The following GJB7 variants were observed in gnomAD, a reference collection of about 807,000 sequenced individuals.
GJB7 encodes gap junction beta-7 protein.
For synonymous variants in GJB7, 87 were observed against 95.2 expected, an observed-to-expected ratio of 0.91 and a Z score of 0.50; for missense variants, 253 against 256.8, an observed-to-expected ratio of 0.99 and a Z score of 0.10.
chr6:87,295,728 G>A (rs1443898833), intron 2 of GJB7, among the ~76,000 whole-genome samples: 1 of 152,126 alleles, frequency 6.6e-6, no homozygotes, highest in Admixed American at 6.5e-5. Flanking sequence ...CACCATGGCT[G>A]ACCGTCAGCA....
chr6:87,313,925 C>A (rs1040115147), intron 2 of GJB7, among the ~76,000 whole-genome samples: 1 of 152,184 alleles, frequency 6.6e-6, no homozygotes, highest in Non-Finnish European at 1.5e-5. Context: ...CTAATGCATG[C>A]TCAAGTTTGA....
At chr6:87,303,603 T>C (rs1412560266) in intron 2 of GJB7, among the ~76,000 whole-genome samples, 1 of 152,130 alleles carries the variant, frequency 6.6e-6, no homozygotes, top group Non-Finnish European at 1.5e-5. Context: ...ACTGTCAATA[T>C]TACACAGATC....
At chr6:87,310,524 A>G (rs1049472080) in intron 2 of GJB7, among the ~76,000 whole-genome samples, 2 of 152,176 alleles carry the variant, frequency 1.3e-5, no homozygotes, top group Non-Finnish European at 2.9e-5. Context: ...GGGGTGAGGG[A>G]TGAAAGACTA....
intron 1 of GJB7, among the ~76,000 whole-genome samples, chr6:87,323,799 A>G (rs1776738907): frequency 6.6e-6 from 1 of 151,942 alleles, no homozygotes; most frequent in Non-Finnish European, 1.5e-5. Flanking sequence ...CAGTAATGGG[A>G]TGGCTGGGTC....
intron 2 of GJB7, chr6:87,291,816 T>A (rs1776178889): frequency 6.6e-6 from 1 of 151,850 alleles, no homozygotes; most frequent in African/African-American, 2.4e-5. Context: ...ATTTTCCCAT[T>A]AAATAGACAA....
chr6:87,328,900 C>T (rs1001260568), intron 1 of GJB7, among the ~76,000 whole-genome samples: 17 of 152,180 alleles, frequency 1.1e-4, no homozygotes, highest in African/African-American at 4.1e-4. Context: ...TAGCAATCAG[C>T]CAGACTCCGT....
At chr6:87,303,977 T>C (rs1422320726) in intron 2 of GJB7, among the ~76,000 whole-genome samples, 3 of 152,186 alleles carry the variant, frequency 2.0e-5, no homozygotes, top group East Asian at 1.9e-4. Context: ...TTGAAACCCA[T>C]AAGAACAAAG....
chr6:87,318,870 C>A (rs920034119), intron 2 of GJB7, among the ~76,000 whole-genome samples: 11 of 152,120 alleles, frequency 7.2e-5, no homozygotes, highest in Admixed American at 6.5e-4. Flanking sequence ...TAAGTGCCAG[C>A]ATTTATGTTA....
chr6:87,293,092 C>T (rs1439972160), intron 2 of GJB7, among the ~76,000 whole-genome samples: 1 of 152,144 alleles, frequency 6.6e-6, no homozygotes, highest in Non-Finnish European at 1.5e-5. Flanking sequence ...AGTGCAGTGG[C>T]GCGATCTTGG....
intron 2 of GJB7, among the ~76,000 whole-genome samples, chr6:87,319,776 G>A (rs746429777): frequency 6.6e-6 from 1 of 152,168 alleles, no homozygotes; most frequent in Non-Finnish European, 1.5e-5. Flanking sequence ...TGCAATCTAA[G>A]TGTCCATCGA....
At chr6:87,292,018 C>T (rs753779215) in intron 2 of GJB7, 2 of 152,180 alleles carry the variant, frequency 1.3e-5, no homozygotes, top group Non-Finnish European at 2.9e-5. Flanking sequence ...ATATTGTTTC[C>T]CTGAGAGCAA....
intron 2 of GJB7, among the ~76,000 whole-genome samples, chr6:87,286,373 A>T (rs1262214140): frequency 6.6e-6 from 1 of 152,138 alleles, no homozygotes; most frequent in East Asian, 1.9e-4. Flanking sequence ...GACCTTTTTA[A>T]TTGCCCACAA....
intron 2 of GJB7, among the ~76,000 whole-genome samples, chr6:87,312,043 T>C (rs576626016): frequency 2.0e-5 from 3 of 152,100 alleles, no homozygotes; most frequent in East Asian, 3.9e-4. Flanking sequence ...GAGTGGATAG[T>C]GAGTGGGAGG....
intron 2 of GJB7, chr6:87,298,903 T>G: frequency 7.1e-6 from 3 of 423,548 alleles, no homozygotes; most frequent in South Asian, 6.1e-5. Flanking sequence ...GGGTGTAGAC[T>G]TTTTAGCAGA....
intron 2 of GJB7, among the ~76,000 whole-genome samples, chr6:87,321,226 CA>C (rs56855977): frequency 0.56 from 57,057 of 101,094 alleles, 12,438 homozygotes; most frequent in Middle Eastern, 0.65. Context: ...CACTCCATCT[CA>C]AAAAAAAAAA....
chr6:87,324,480 C>G (rs1776765689), intron 1 of GJB7, among the ~76,000 whole-genome samples: 1 of 150,506 alleles, frequency 6.6e-6, no homozygotes, highest in Non-Finnish European at 1.5e-5. Context: ...TTTCAGCTTT[C>G]TACATATGGC....
intron 2 of GJB7, among the ~76,000 whole-genome samples, chr6:87,315,795 CAAA>C (rs1161194601): frequency 0.095 from 6,853 of 72,326 alleles, 339 homozygotes; most frequent in African/African-American, 0.19. Flanking sequence ...GACTCTATCT[CAAA>C]AAAAAAAAAA....
At chr6:87,313,085 T>G (rs78647005) in intron 2 of GJB7, among the ~76,000 whole-genome samples, 3,391 of 152,318 alleles carry the variant, frequency 0.022, 124 homozygotes, top group African/African-American at 0.077. Context: ...TATCTTAATT[T>G]GGCACATTCA....
intron 2 of GJB7, among the ~76,000 whole-genome samples, chr6:87,309,780 A>C (rs1419790680): frequency 3.9e-5 from 6 of 152,206 alleles, no homozygotes; most frequent in Admixed American, 3.9e-4. Context: ...TCCTTTCTAT[A>C]GGAAGCTTTT....
Sources: gnomAD v4.1 joint callset for allele counts (sites outside exome capture counted in the v4.1 genomes callset) on GRCh38, gnomAD v4.1.1 for gene constraint, MANE v1.5 for transcripts, NCBI Gene and HGNC (gene_info 2026-07-23, HGNC 2026-07-21) for gene names.